The following AFF1 variants were observed in gnomAD, a reference collection of about 807,000 sequenced individuals.
AFF1 encodes AF4/FMR2 family member 1.
A neutral mutation model predicts 121.7 loss-of-function variants in AFF1; 48 were observed. The observed-to-expected ratio is 0.39, with a 90% CI of 0.31 to 0.50. The LOEUF is 0.50. Ranked by LOEUF, AFF1 falls within the 20% of genes least tolerant of loss-of-function variation. The pLI, the probability that AFF1 is intolerant of heterozygous loss-of-function variation, is 0.76. For missense variants in AFF1, 1,523 were observed against 1,511.7 expected (o/e 1.01, Z -0.12); for synonymous variants, 613 against 563.0 (o/e 1.09, Z -1.26).
chr4:87,009,588 G>T (rs923578733), intron 2 of AFF1, among the ~76,000 whole-genome samples: 7 of 152,206 alleles, frequency 4.6e-5, no homozygotes, highest in African/African-American at 1.7e-4. Flanking sequence ...TAGTCTGTGT[G>T]TTGGGAGTAT....
intron 4 of AFF1, among the ~76,000 whole-genome samples, chr4:87,067,640 C>G (rs1223960974): frequency 6.6e-6 from 1 of 152,218 alleles, no homozygotes; most frequent in African/African-American, 2.4e-5. Flanking sequence ...ATTACCCAGT[C>G]TTTTCTGCTG....
chr4:87,031,212 A>G (rs1729047689), intron 2 of AFF1, among the ~76,000 whole-genome samples: 1 of 152,170 alleles, frequency 6.6e-6, no homozygotes, highest in Non-Finnish European at 1.5e-5. Context: ...AGTAAGACGG[A>G]TGCAAACACC....
At chr4:86,960,429 G>A (rs1475677118) in intron 2 of AFF1, among the ~76,000 whole-genome samples, 2 of 152,102 alleles carry the variant, frequency 1.3e-5, no homozygotes, top group African/African-American at 2.4e-5. Context: ...TTTCCCACCC[G>A]ACATCAGGAG....
chr4:87,015,837 G>T (rs868617720), intron 2 of AFF1, among the ~76,000 whole-genome samples: 1 of 152,198 alleles, frequency 6.6e-6, no homozygotes, highest in Non-Finnish European at 1.5e-5. Flanking sequence ...CTCGTATTCT[G>T]TGTTGACATC....
At chr4:87,113,294 T>G (rs1231409948) in intron 11 of AFF1, among the ~76,000 whole-genome samples, 2 of 152,164 alleles carry the variant, frequency 1.3e-5, no homozygotes, top group African/African-American at 4.8e-5. Context: ...TATGACCTTT[T>G]TTTTTTGAGA....
At chr4:87,019,176 T>C (rs1727637923) in intron 2 of AFF1, among the ~76,000 whole-genome samples, 1 of 152,230 alleles carries the variant, frequency 6.6e-6, no homozygotes, top group Admixed American at 6.5e-5. Context: ...GGAAATAATC[T>C]TCTGCCTTGG....
At chr4:87,006,989 G>C in intron 2 of AFF1, 6 of 1,074,822 alleles carry the variant, frequency 5.6e-6, no homozygotes, top group Non-Finnish European at 6.8e-6. Flanking sequence ...GAGCCCAGAG[G>C]CAATTTCTTT....
chr4:87,080,845 T>C (rs1723090314), intron 4 of AFF1, among the ~76,000 whole-genome samples: 1 of 152,186 alleles, frequency 6.6e-6, no homozygotes, highest in Admixed American at 6.5e-5. Flanking sequence ...GTGTCTCTAA[T>C]TAGGGTGGCG....
rs377537931 is a variant in AFF1 at position 87,127,134 on chromosome 4, T to C, written c.2903+17T>C. Reference sequence around the variant, plus strand: ...GTTTGACAAGTAAGACTTCAGATGATTTCTTCTTGCTCTGTTTTGTTTTGT... The same window carrying C: ...GTTTGACAAGTAAGACTTCAGATGACTTCTTCTTGCTCTGTTTTGTTTTGT... On this transcript the variant is annotated intron_variant, in intron 15 of 20. Coordinates refer to ENST00000395146, the MANE Select transcript of AFF1 (RefSeq NM_001166693.3). 1.9e-6 allele frequency: 3 copies of C among 1,595,568 alleles called. No individual in the cohort carries two copies. The highest frequency in any genetic ancestry group is 2.6e-6 in the Non-Finnish European group (3 of 1,163,980).
chr4:87,114,650 C>G lies in AFF1; in HGVS notation c.1817C>G (p.Thr606Ser), dbSNP rs764268507. 1.3e-6 allele frequency: 2 copies of G among 1,588,326 alleles called. No homozygotes were observed. The highest frequency in any genetic ancestry group is 1.7e-6 in the Non-Finnish European group (2 of 1,166,918). The change falls in exon 12 of 21, where the codon ACC (threonine) becomes AGC (serine). Residue 606 changes from threonine (T) to serine (S), a missense_variant. By Grantham distance (58) the Thr-to-Ser change is moderately conservative (BLOSUM62 1). Around this residue, in one of 5 missense-constraint regions of AFF1, gnomAD observed 905 missense variants for 842.5 expected, o/e 1.07. Coordinates refer to ENST00000395146, the MANE Select transcript of AFF1 (RefSeq NM_001166693.3). ...CAGCAGGAGCCCCCACAAAGGCAAACCGTTGGAACCAAACAACCCAAAAAA... is the reference window on the plus strand; with the variant it reads ...CAGCAGGAGCCCCCACAAAGGCAAAGCGTTGGAACCAAACAACCCAAAAAA... ...PAQQEPPQRQ[T>S]VGTKQPKKPV...
At chr4:87,006,346 T>A (rs983336068) in intron 2 of AFF1, among the ~76,000 whole-genome samples, 1 of 152,348 alleles carries the variant, frequency 6.6e-6, no homozygotes, top group Non-Finnish European at 1.5e-5. Context: ...ACGCTTTCCA[T>A]GGTCCTCTGA....
At chr4:87,067,628 G>C (rs1028643534) in intron 4 of AFF1, among the ~76,000 whole-genome samples, 27 of 152,212 alleles carry the variant, frequency 1.8e-4, no homozygotes, top group Admixed American at 1.4e-3. Context: ...GTGGCAATAA[G>C]TATTACCCAG....
At chr4:86,973,905 G>A (rs1401119261) in intron 2 of AFF1, 3 of 152,060 alleles carry the variant, frequency 2.0e-5, no homozygotes, top group Non-Finnish European at 2.9e-5. Flanking sequence ...GAGAGAATAC[G>A]AGAATAGAAA....
rs543064811 is a variant in AFF1, at chr4:87,007,291, C to T, written c.39-38875C>T. On this transcript the variant is annotated intron_variant, in intron 2 of 20. Transcript: ENST00000395146. ...CAGGTAGTCCCGTAACATCGGGGCG[C>T]CGCGCCGGGACGCGTCCCCGCCCGG... The T allele has an allele frequency of 2.6e-5, 41 of 1,566,516 alleles. No individual in the cohort carries two copies. In the African/African-American group the frequency reaches 5.2e-4, roughly 20 times the overall value.
chr4:86,995,283 T>TCCCTCC (rs1560525358), intron 2 of AFF1, among the ~76,000 whole-genome samples: 1 of 39,972 alleles, frequency 2.5e-5, no homozygotes, highest in Non-Finnish European at 4.8e-5. Flanking sequence ...CCTCCCCCTC[T>TCCCTCC]CCCTCCCCCT....
At chr4:87,020,677 G>T in intron 2 of AFF1, 1 of 443,182 alleles carries the variant, frequency 2.3e-6, no homozygotes, top group Non-Finnish European at 3.0e-6. Flanking sequence ...GTGGAGACAG[G>T]GTTTCACTGT....
At chr4:87,078,917 T>TTGAAAGTG (rs1159690871) in intron 4 of AFF1, among the ~76,000 whole-genome samples, 2 of 152,332 alleles carry the variant, frequency 1.3e-5, no homozygotes, top group African/African-American at 4.8e-5. Flanking sequence ...TTTGATGGTT[T>TTGAAAGTG]TGAAAGTGTG....
chr4:87,045,140 G>C (rs1455068354), intron 2 of AFF1, among the ~76,000 whole-genome samples: 2 of 152,122 alleles, frequency 1.3e-5, no homozygotes, highest in Non-Finnish European at 2.9e-5. Context: ...GAAAGGGGGT[G>C]GGGAAGGGCG....
chr4:87,140,472 ATATATTATAT>A lies in AFF1; in HGVS notation c.*4787_*4796del, dbSNP rs34636402. On this transcript the variant is annotated 3_prime_UTR_variant, in exon 21 of 21. Transcript: ENST00000395146. The stretch of plus-strand genomic sequence containing the variant: ...TGCCTTTTTTTTATTTATTACCATT[ATATATTATAT>A]TATATTATATTATATATTTTTTGCT... 1.2e-4 allele frequency: 20 copies of A among 161,718 alleles called. No individual in the cohort carries two copies. Among genetic ancestry groups the A allele is most frequent in the Admixed American group, 1.3e-4 (2 of 15,022 alleles). The allele number at this position is 161,718 out of a possible 1,614,324, so 10.0% of individuals were successfully genotyped here.
Sources: allele counts gnomAD v4.1 joint callset (sites outside exome capture counted in the v4.1 genomes callset), GRCh38; gene constraint gnomAD v4.1.1; regional missense constraint gnomAD v4.1.1; transcripts MANE v1.5; gene names NCBI Gene and HGNC (gene_info 2026-07-23, HGNC 2026-07-21).